Variants in RBM33 observed in about 807,000 individuals in gnomAD.
RBM33 encodes the protein RNA-binding protein 33.
RBM33 carries 28 observed loss-of-function variants against 132.6 expected under a neutral mutation model. That is an observed-to-expected ratio of 0.21 (90% CI 0.16 to 0.29). The LOEUF is 0.29. RBM33 is among the 10% of genes least tolerant of loss of function. The pLI is 1.00. For synonymous variants in RBM33, 634 were observed against 593.0 expected, an observed-to-expected ratio of 1.07 and a Z score of -1.01; for missense variants, 1,291 against 1,518.5, an observed-to-expected ratio of 0.85 and a Z score of 2.49.
At chr7:155,706,686 G>A (rs188480012) in intron 6 of RBM33, 174 bp from the exon 7 acceptor site, 1 of 588,852 alleles carries the variant, frequency 1.7e-6, no homozygotes, top group South Asian at 2.0e-5. Flanking sequence ...TCACTAGTGG[G>A]TTGTGTGTGT....
intron 5 of RBM33, 126 bp from the exon 6 acceptor site, chr7:155,700,647 A>G: frequency 1.5e-6 from 1 of 645,484 alleles, no homozygotes. Context: ...GCCTTTTAAC[A>G]GGACATTTTG....
intron 2 of RBM33, among the ~76,000 whole-genome samples, chr7:155,667,063 T>C (rs2116894633): frequency 6.6e-6 from 1 of 152,322 alleles, no homozygotes; most frequent in African/African-American, 2.4e-5. Context: ...TTTACGTACA[T>C]GGATATACTG....
intron 5 of RBM33, among the ~76,000 whole-genome samples, chr7:155,689,330 A>G (rs9654719): frequency 1.3e-5 from 2 of 152,114 alleles, no homozygotes; most frequent in Non-Finnish European, 2.9e-5. Flanking sequence ...CCGCTTTATC[A>G]TTTTTTATTG....
chr7:155,674,293 C>T (rs910576279), intron 3 of RBM33, among the ~76,000 whole-genome samples: 22 of 152,004 alleles, frequency 1.4e-4, no homozygotes, highest in African/African-American at 5.3e-4. Context: ...GATGTTCAGT[C>T]CTTCTTTGTC....
chr7:155,729,767 T>G (rs1162108678), intron 9 of RBM33, among the ~76,000 whole-genome samples: 1 of 151,548 alleles, frequency 6.6e-6, no homozygotes, highest in Non-Finnish European at 1.5e-5. Context: ...AAAAATTCTG[T>G]CATACATGTA....
At chr7:155,772,639 C>A (rs913032582) in intron 16 of RBM33, among the ~76,000 whole-genome samples, 1 of 152,138 alleles carries the variant, frequency 6.6e-6, no homozygotes, top group Non-Finnish European at 1.5e-5. Flanking sequence ...CTTTTGTATT[C>A]ATTTTTTATT....
chr7:155,691,324 C>G (rs1799633692), intron 5 of RBM33, among the ~76,000 whole-genome samples: 1 of 152,150 alleles, frequency 6.6e-6, no homozygotes, highest in Admixed American at 6.5e-5. Flanking sequence ...TCCATCAGGT[C>G]ATTTAAGGAC....
intron 6 of RBM33, among the ~76,000 whole-genome samples, chr7:155,703,594 G>A (rs1262680655): frequency 6.6e-6 from 1 of 152,162 alleles, no homozygotes; most frequent in African/African-American, 2.4e-5. Flanking sequence ...GTAAAGTTAG[G>A]ATTTTTCCCA....
chr7:155,732,795 A>G (rs895579901), intron 9 of RBM33, among the ~76,000 whole-genome samples: 1 of 152,182 alleles, frequency 6.6e-6, no homozygotes, highest in Non-Finnish European at 1.5e-5. Context: ...GAATCACTAG[A>G]AGGTGCTCAG....
chr7:155,713,406 G>A lies in RBM33; in HGVS notation c.1201+1951G>A, dbSNP rs1056687331. 5.9e-5 allele frequency among the ~76,000 whole-genome samples: 9 copies of A among 151,964 alleles called. No individual in the cohort carries two copies. The South Asian group carries it at 8.3e-4, about 14-fold the overall frequency. ...CCAAGGACTGGGACCTAGGGCACTT[G>A]ACACAGGAGGGGGAGGGGCAGGAGG... On this transcript the variant is annotated intron_variant, in intron 8 of 17. Transcript: ENST00000401878.
At chr7:155,669,262 T>C (rs1241448110) in intron 2 of RBM33, among the ~76,000 whole-genome samples, 1 of 152,210 alleles carries the variant, frequency 6.6e-6, no homozygotes, top group East Asian at 1.9e-4. Context: ...ATGTCATTGC[T>C]GAACCAACAC....
At chr7:155,734,817 T>C (rs746361043) in intron 9 of RBM33, among the ~76,000 whole-genome samples, 10 of 152,282 alleles carry the variant, frequency 6.6e-5, no homozygotes, top group Non-Finnish European at 1.5e-4. Flanking sequence ...TTGGAAACAG[T>C]GTGATCAGTC....
chr7:155,656,236 G>A (rs1798487200), intron 1 of RBM33, among the ~76,000 whole-genome samples: 2 of 152,176 alleles, frequency 1.3e-5, no homozygotes, highest in South Asian at 4.1e-4. Flanking sequence ...TTTGTATATT[G>A]GATAATGAAA....
chr7:155,658,204 C>T (rs1402705133), intron 1 of RBM33, among the ~76,000 whole-genome samples: 1 of 152,074 alleles, frequency 6.6e-6, no homozygotes, highest in East Asian at 1.9e-4. Flanking sequence ...GATCGGTATA[C>T]AGTATTCCTT....
chr7:155,745,184 A>G lies in RBM33; in HGVS notation c.2561A>G (p.Asn854Ser). 1.9e-6 allele frequency: 3 copies of G among 1,611,048 alleles called. No homozygotes were observed. Among genetic ancestry groups the G allele is most frequent in the Non-Finnish European group, 2.5e-6 (3 of 1,178,584 alleles). ...CAGGCACTGTCACCATCACCCACCA[A>G]CGGTAACCCACTGTTGCCCTTTCCA... Reference protein sequence around the residue: ...EEQALSPSPTNGNPLLPFPGA... With the variant: ...EEQALSPSPTSGNPLLPFPGA... The change falls in exon 14 of 18, where the codon AAC becomes AGC. Residue 854 changes from asparagine (N) to serine (S), a missense_variant. Coordinates refer to ENST00000401878, the MANE Select transcript of RBM33 (RefSeq NM_053043.3). The surrounding 1 kb of genome is among the most constrained non-coding windows in gnomAD (Gnocchi z 4.1).
At chr7:155,651,304 TTATTTTTGTAAG>T (rs1191052897) in intron 1 of RBM33, among the ~76,000 whole-genome samples, 6 of 152,168 alleles carry the variant, frequency 3.9e-5, no homozygotes, top group Admixed American at 3.9e-4. Flanking sequence ...AGATTTGAGT[TTATTTTTGTAAG>T]ATTTTTGGCG....
chr7:155,745,317 C>A lies in RBM33; in HGVS notation c.2694C>A (p.Ala898=). The change falls in exon 14 of 18, where the codon GCC becomes GCA. Residue 898 remains alanine (A), a synonymous_variant. Transcript: ENST00000401878. The surrounding 1 kb of genome is among the most constrained non-coding windows in gnomAD (Gnocchi z 4.1). Reference sequence around the variant, plus strand: ...CATCCAATTTTGTACCATCCAGTGCCAACATGCAGTATCAAGGACAACAGA... The same window carrying A: ...CATCCAATTTTGTACCATCCAGTGCAAACATGCAGTATCAAGGACAACAGA... ...PKTSNFVPSS[A]NMQYQGQQMK... The A allele has an allele frequency of 1.9e-6, 3 of 1,613,104 alleles. No individual in the cohort carries two copies. Among genetic ancestry groups the A allele is most frequent in the Non-Finnish European group, 2.5e-6 (3 of 1,179,448 alleles).
chr7:155,661,120 G>A (rs934760445), intron 1 of RBM33, among the ~76,000 whole-genome samples: 4 of 65,108 alleles, frequency 6.1e-5, no homozygotes, highest in African/African-American at 2.1e-4. Context: ...GTGTGTGTGT[G>A]TGTGTGTGTG....
Position 155,774,700 on chromosome 7 carries a change from C to T in RBM33, c.3464+53C>T. Reference sequence around the variant, plus strand: ...GATAAGGGGGCGGGAGCAAGGCCCTCCTTCCTGTGCCCTCCCATCCATCAT... The same window carrying T: ...GATAAGGGGGCGGGAGCAAGGCCCTTCTTCCTGTGCCCTCCCATCCATCAT... On this transcript the variant is annotated intron_variant, in intron 17 of 17. Coordinates refer to ENST00000401878, the MANE Select transcript of RBM33 (RefSeq NM_053043.3). This position sits in a 1 kb window ranked among gnomAD's most constrained non-coding sequence, Gnocchi z 4.2. 7.3e-7 allele frequency: 1 copy of T among 1,361,486 alleles called. No individual in the cohort carries two copies. The highest frequency in any genetic ancestry group is 1.2e-5 in the South Asian group (1 of 85,906). The allele number at this position is 1,361,486 out of a possible 1,614,324, so 84.3% of individuals were successfully genotyped here.
Sources: allele counts gnomAD v4.1 joint callset (sites outside exome capture counted in the v4.1 genomes callset), GRCh38; gene constraint gnomAD v4.1.1; non-coding constraint Gnocchi (gnomAD v3.1); transcripts MANE v1.5; gene names NCBI Gene and HGNC (gene_info 2026-07-23, HGNC 2026-07-21).